PSMB7: variants seen among roughly 807,000 people sequenced by gnomAD.
PSMB7 encodes proteasome subunit beta type-7.
In PSMB7, 5 loss-of-function variants were observed where a neutral mutation model predicts 28.1. The ratio of observed to expected loss-of-function variants is 0.18; its 90% CI spans 0.09 to 0.37. The LOEUF (loss-of-function observed/expected upper bound fraction) is 0.37. Among genes scored for constraint, PSMB7 ranks in the 10% least tolerant of loss-of-function variants. The probability of loss-of-function intolerance (pLI) is 1.00; values close to 1 mark genes in which losing one functional copy is unlikely to be tolerated. For synonymous variants in PSMB7, 122 were observed against 123.7 expected (o/e 0.99, Z 0.09); for missense variants, 275 against 346.2 (o/e 0.79, Z 1.63).
intron 5 of PSMB7, among the ~76,000 whole-genome samples, chr9:124,385,202 G>A (rs373939320): frequency 1.4e-4 from 21 of 152,324 alleles, no homozygotes; most frequent in African/African-American, 4.3e-4. Context: ...AGCTACAACT[G>A]TAAAACACTT....
intron 6 of PSMB7, among the ~76,000 whole-genome samples, chr9:124,368,134 C>G (rs985479631): frequency 1.4e-4 from 22 of 152,182 alleles, no homozygotes; most frequent in African/African-American, 5.1e-4. Context: ...TAAAAAGACA[C>G]AGAAAAAGAA....
intron 6 of PSMB7, among the ~76,000 whole-genome samples, chr9:124,378,479 G>A (rs1830635256): frequency 6.6e-6 from 1 of 152,172 alleles, no homozygotes; most frequent in Non-Finnish European, 1.5e-5. Context: ...CGATACCAGA[G>A]GGTGCAGGAC....
At chr9:124,371,383 A>G (rs1488975912) in intron 6 of PSMB7, among the ~76,000 whole-genome samples, 1 of 152,068 alleles carries the variant, frequency 6.6e-6, no homozygotes, top group Non-Finnish European at 1.5e-5. Flanking sequence ...AACTCTAACC[A>G]CAGACGACCT....
intron 5 of PSMB7, among the ~76,000 whole-genome samples, chr9:124,404,281 G>GT (rs34372176): frequency 0.48 from 72,362 of 151,860 alleles, 17,734 homozygotes; most frequent in Non-Finnish European, 0.54. Flanking sequence ...TTAATTTTTT[G>GT]TTTTATGATC....
intron 6 of PSMB7, among the ~76,000 whole-genome samples, chr9:124,373,430 T>G (rs570152414): frequency 1.3e-5 from 2 of 152,314 alleles, no homozygotes; most frequent in African/African-American, 4.8e-5. Flanking sequence ...TGTCTAATGC[T>G]TCAGGTCTTA....
Position 124,356,790 on chromosome 9 carries a change from G to A in PSMB7, c.696C>T (p.Tyr232=). 6.2e-7 allele frequency: 1 copy of A among 1,614,200 alleles called. No individual in the cohort carries two copies. Among genetic ancestry groups the A allele is most frequent in the South Asian group, 1.1e-5 (1 of 91,084 alleles). Reference sequence around the variant, plus strand: ...TGGTCCCCTTCTTGTTGGGCACTGTGTATGGGCGGAGAAAATCCAGCTTGT... The same window carrying A: ...TGGTCCCCTTCTTGTTGGGCACTGTATATGGGCGGAGAAAATCCAGCTTGT... The part of the protein sequence containing the change: ...SKNKLDFLRP[Y]TVPNKKGTRL... The change falls in exon 7 of 8, where the codon TAC becomes TAT. Residue 232 remains tyrosine, a synonymous_variant. Coordinates refer to ENST00000259457, the MANE Select transcript of PSMB7 (RefSeq NM_002799.4). The surrounding 1 kb of genome is among the most constrained non-coding windows in gnomAD (Gnocchi z 4.4).
intron 6 of PSMB7, among the ~76,000 whole-genome samples, chr9:124,383,356 C>G (rs1198232668): frequency 1.3e-5 from 2 of 152,164 alleles, no homozygotes; most frequent in Non-Finnish European, 2.9e-5. Flanking sequence ...TGTTTTAATT[C>G]CTGCAGCTAT....
At chr9:124,382,364 C>A (rs1463154378) in intron 6 of PSMB7, among the ~76,000 whole-genome samples, 1 of 151,230 alleles carries the variant, frequency 6.6e-6, no homozygotes, top group Non-Finnish European at 1.5e-5. Context: ...CCCGGTACCA[C>A]GTCCGGCTAA....
At chr9:124,374,631 C>G (rs1229584501) in intron 6 of PSMB7, among the ~76,000 whole-genome samples, 1 of 152,038 alleles carries the variant, frequency 6.6e-6, no homozygotes, top group Non-Finnish European at 1.5e-5. Context: ...TCAAGACTAG[C>G]CTGGACAGCA....
intron 1 of PSMB7, 134 bp downstream of exon 1, chr9:124,415,230 G>C (rs1443744194): frequency 9.9e-7 from 1 of 1,006,116 alleles, no homozygotes; most frequent in African/African-American, 1.6e-5. Flanking sequence ...ATTCCCCTGA[G>C]TCACACTAGC....
intron 6 of PSMB7, among the ~76,000 whole-genome samples, chr9:124,379,594 T>C (rs946151427): frequency 2.0e-5 from 3 of 152,226 alleles, no homozygotes; most frequent in Non-Finnish European, 2.9e-5. Context: ...AAGTCATAGC[T>C]CAGATAACTT....
intron 4 of PSMB7, among the ~76,000 whole-genome samples, chr9:124,407,876 G>C (rs886964969): frequency 5.3e-5 from 8 of 152,180 alleles, no homozygotes; most frequent in African/African-American, 1.7e-4. Context: ...GCCGAGTGTG[G>C]TGGCTCACAC....
intron 5 of PSMB7, among the ~76,000 whole-genome samples, chr9:124,394,388 C>T (rs1186988897): frequency 6.6e-6 from 1 of 152,152 alleles, no homozygotes; most frequent in Non-Finnish European, 1.5e-5. Context: ...CGACTCTGGT[C>T]CAATTCTGAA....
chr9:124,394,595 G>T (rs184620783), intron 5 of PSMB7, among the ~76,000 whole-genome samples: 1 of 152,170 alleles, frequency 6.6e-6, no homozygotes, highest in Non-Finnish European at 1.5e-5. Flanking sequence ...AAAGGAGGAA[G>T]AGCACCCATA....
Position 124,356,778 on chromosome 9 carries a change from G to A in PSMB7, c.708C>T (p.Asn236=), listed in dbSNP as rs148900720. ...LDFLRPYTVP[N]KKGTRLGRYR... Reference sequence around the variant, plus strand: ...CCTTCACTCACCTGGTCCCCTTCTTGTTGGGCACTGTGTATGGGCGGAGAA... The same window carrying A: ...CCTTCACTCACCTGGTCCCCTTCTTATTGGGCACTGTGTATGGGCGGAGAA... Residue 236 remains asparagine (N), a synonymous_variant, in exon 7 of 8, where the codon AAC becomes AAT. Transcript: ENST00000259457. This position sits in a 1 kb window ranked among gnomAD's most constrained non-coding sequence, Gnocchi z 4.4. 3 of 1,613,230 alleles carry A rather than the reference G, an allele frequency of 1.9e-6. No individual in the cohort carries two copies. The highest frequency in any genetic ancestry group is 1.7e-5 in the Admixed American group (1 of 59,948).
chr9:124,367,354 G>A (rs1043952961), intron 6 of PSMB7, among the ~76,000 whole-genome samples: 5 of 152,058 alleles, frequency 3.3e-5, no homozygotes, highest in Admixed American at 1.3e-4. Context: ...GAAGACAATG[G>A]CTGACTTCTC....
intron 6 of PSMB7, among the ~76,000 whole-genome samples, chr9:124,359,611 T>C (rs1458576849): frequency 6.6e-6 from 1 of 152,164 alleles, no homozygotes; most frequent in Non-Finnish European, 1.5e-5. Flanking sequence ...CAAGTGACCT[T>C]CCTTGGGCCG....
intron 6 of PSMB7, among the ~76,000 whole-genome samples, chr9:124,358,563 A>G (rs1830436061): frequency 6.6e-6 from 1 of 152,224 alleles, no homozygotes; most frequent in Non-Finnish European, 1.5e-5. Context: ...GGTGGCAGCA[A>G]AGAAAGCCTC....
At chr9:124,380,814 C>A (rs61546214) in intron 6 of PSMB7, among the ~76,000 whole-genome samples, 2,333 of 151,998 alleles carry the variant, frequency 0.015, 67 homozygotes, top group African/African-American at 0.053. Flanking sequence ...TTTAAATTTT[C>A]AAAAAAATTA....
Sources: allele counts gnomAD v4.1 joint callset (sites outside exome capture counted in the v4.1 genomes callset), GRCh38; gene constraint gnomAD v4.1.1; non-coding constraint Gnocchi (gnomAD v3.1); transcripts MANE v1.5; gene names NCBI Gene and HGNC (gene_info 2026-07-23, HGNC 2026-07-21).